Variants in CHRM5 observed in about 807,000 individuals in gnomAD.
CHRM5 encodes the protein muscarinic acetylcholine receptor M5.
A neutral mutation model predicts 39.0 loss-of-function variants in CHRM5; 18 were observed. That is an observed-to-expected ratio of 0.46 (90% CI 0.32 to 0.68). The LOEUF is 0.68. CHRM5 is among the 30% of genes least tolerant of loss of function. CHRM5 has a pLI of 0.04. For missense variants in CHRM5, 515 were observed against 651.1 expected (o/e 0.79, Z 2.28); for synonymous variants, 241 against 246.3 (o/e 0.98, Z 0.20).
chr15:34,040,271 A>G (rs1899414496), intron 1 of CHRM5, among the ~76,000 whole-genome samples: 1 of 152,194 alleles, frequency 6.6e-6, no homozygotes, highest in Admixed American at 6.5e-5. Flanking sequence ...TGCTGAGTGC[A>G]GTGAGAGATT....
intron 1 of CHRM5, among the ~76,000 whole-genome samples, chr15:33,976,601 A>G (rs1895899916): frequency 6.6e-6 from 1 of 152,196 alleles, no homozygotes; most frequent in Non-Finnish European, 1.5e-5. Context: ...AAATTTATAT[A>G]TCTTTATTTA....
intron 1 of CHRM5, among the ~76,000 whole-genome samples, chr15:33,984,962 C>G (rs975699770): frequency 2.0e-5 from 3 of 152,038 alleles, no homozygotes; most frequent in Non-Finnish European, 2.9e-5. Flanking sequence ...AATATTTTCA[C>G]CTCAAGAGCA....
At chr15:33,987,466 C>CTCAA (rs772769230) in intron 1 of CHRM5, among the ~76,000 whole-genome samples, 1 of 152,204 alleles carries the variant, frequency 6.6e-6, no homozygotes, top group Non-Finnish European at 1.5e-5. Context: ...AACCCACAGA[C>CTCAA]TCAAGGTCTT....
At position 34,067,400 on chromosome 15, in the gene CHRM5, T is replaced by G. The variant is rs1900539189; in HGVS notation, c.*3084T>G. On this transcript the variant is annotated 3_prime_UTR_variant, in exon 3 of 3. Coordinates refer to ENST00000383263, the MANE Select transcript of CHRM5 (RefSeq NM_012125.4). ...GAATTACAGCAAAGGATATGGGGAC[T>G]GGGCTGCTTTTCTGTATTGTATAAG... 1 of 152,258 alleles carries G rather than the reference T, an allele frequency of 6.6e-6. No individual in the cohort carries two copies. Among genetic ancestry groups the G allele is most frequent in the Non-Finnish European group, 1.5e-5 (1 of 68,050 alleles). 9.4% of individuals were successfully genotyped at this position (152,258 alleles called of 1,614,324 possible). A position where few individuals can be genotyped will look rare whatever the true frequency, so the allele number is the denominator to read the frequency against.
At chr15:34,061,380 T>A (rs1291877322) in intron 2 of CHRM5, among the ~76,000 whole-genome samples, 3 of 129,946 alleles carry the variant, frequency 2.3e-5, no homozygotes, top group African/African-American at 8.5e-5. Flanking sequence ...ACAATGAAAG[T>A]GGTAGCTCTA....
At chr15:33,997,323 T>C (rs1386281968) in intron 1 of CHRM5, among the ~76,000 whole-genome samples, 3 of 151,770 alleles carry the variant, frequency 2.0e-5, no homozygotes, top group African/African-American at 7.3e-5. Flanking sequence ...AACCCACAAA[T>C]CAATAAGAAA....
At chr15:33,992,314 CG>C (rs1567453988) in intron 1 of CHRM5, among the ~76,000 whole-genome samples, 5 of 151,368 alleles carry the variant, frequency 3.3e-5, no homozygotes, top group African/African-American at 2.4e-5. Flanking sequence ...GGCGTCAGCC[CG>C]GGGGGCGGAG....
At chr15:34,002,908 G>T in intron 1 of CHRM5, 1 of 935,568 alleles carries the variant, frequency 1.1e-6, no homozygotes, top group Non-Finnish European at 1.6e-6. Context: ...TCCTTTACTT[G>T]AATTAAAAAT....
At chr15:34,051,993 C>G (rs1899938996) in intron 2 of CHRM5, among the ~76,000 whole-genome samples, 1 of 152,142 alleles carries the variant, frequency 6.6e-6, no homozygotes, top group South Asian at 2.1e-4. Flanking sequence ...CTGACTCATT[C>G]TATGAAGCCA....
At chr15:33,980,473 T>C (rs554417) in intron 1 of CHRM5, among the ~76,000 whole-genome samples, 123,685 of 152,158 alleles carry the variant, frequency 0.81, 55,060 homozygotes, top group Non-Finnish European at 0.98. Context: ...CAACACGTCC[T>C]CTGATTTCTC....
At chr15:33,993,145 G>A (rs1427326594) in intron 1 of CHRM5, among the ~76,000 whole-genome samples, 1 of 152,140 alleles carries the variant, frequency 6.6e-6, no homozygotes, top group African/African-American at 2.4e-5. Context: ...TCAATGATTT[G>A]ACTTTTGGGG....
Position 33,984,826 on chromosome 15 carries a change from A to G in CHRM5, c.-408+15676A>G, listed in dbSNP as rs79808901. Reference sequence around the variant, plus strand: ...ATAGGGACCTTTGATGCAGTAAATCACACCCAATAACCACAAATAACAGTT... The same window carrying G: ...ATAGGGACCTTTGATGCAGTAAATCGCACCCAATAACCACAAATAACAGTT... On this transcript the variant is annotated intron_variant, in intron 1 of 2. Transcript: ENST00000383263. 7.2e-3 allele frequency among the ~76,000 whole-genome samples: 1,091 copies of G among 152,272 alleles called. 21 individuals carry two copies. The highest frequency in any genetic ancestry group is 0.042 in the Admixed American group (636 of 15,302).
chr15:33,991,884 A>G (rs1162971416), intron 1 of CHRM5: 1 of 153,574 alleles, frequency 6.5e-6, no homozygotes, highest in Non-Finnish European at 1.5e-5. Context: ...TTTAAAGGAA[A>G]AAGAAAGGGA....
At chr15:33,994,940 A>G (rs1250968484) in intron 1 of CHRM5, among the ~76,000 whole-genome samples, 1 of 152,210 alleles carries the variant, frequency 6.6e-6, no homozygotes, top group Non-Finnish European at 1.5e-5. Flanking sequence ...AACCAACCAT[A>G]GATCAAAAAT....
At chr15:33,991,235 C>A (rs1896707777) in intron 1 of CHRM5, 1 of 152,084 alleles carries the variant, frequency 6.6e-6, no homozygotes, top group Non-Finnish European at 1.5e-5. Context: ...GAGACCCTGG[C>A]CCTGAACCCT....
At position 34,063,489 on chromosome 15, in the gene CHRM5, C is replaced by A; in HGVS notation, c.772C>A (p.Arg258=). 1 of 1,613,838 alleles carries A rather than the reference C, an allele frequency of 6.2e-7. No individual in the cohort carries two copies. The change falls in exon 3 of 3, where the codon CGA becomes AGA. Residue 258 remains arginine, a synonymous_variant. Coordinates refer to ENST00000383263, the MANE Select transcript of CHRM5 (RefSeq NM_012125.4). The surrounding 1 kb of genome is among the most constrained non-coding windows in gnomAD (Gnocchi z 4.1). ...ALFRSCLRCP[R]PTLAQRERNQ... ...GTTCAGATCCTGCTTGCGCTGTCCT[C>A]GACCCACCCTGGCCCAGCGGGAAAG...
chr15:33,978,843 T>C (rs1343880195), intron 1 of CHRM5, among the ~76,000 whole-genome samples: 2 of 152,038 alleles, frequency 1.3e-5, no homozygotes, highest in African/African-American at 4.8e-5. Flanking sequence ...AACCAGAGAA[T>C]AATGTTCACT....
intron 2 of CHRM5, among the ~76,000 whole-genome samples, chr15:34,051,061 C>G (rs2140826259): frequency 6.6e-6 from 1 of 152,278 alleles, no homozygotes; most frequent in Admixed American, 6.5e-5. Flanking sequence ...CTTCTCATCA[C>G]CCACAGAACT....
intron 1 of CHRM5, among the ~76,000 whole-genome samples, chr15:33,992,758 G>A (rs929852246): frequency 6.6e-6 from 1 of 152,172 alleles, no homozygotes; most frequent in East Asian, 1.9e-4. Context: ...AAAAGTACAG[G>A]CTGCTAGAGT....
Sources: gnomAD v4.1 joint callset for allele counts (sites outside exome capture counted in the v4.1 genomes callset) on GRCh38, gnomAD v4.1.1 for gene constraint, Gnocchi (gnomAD v3.1) non-coding constraint, MANE v1.5 for transcripts, NCBI Gene and HGNC (gene_info 2026-07-23, HGNC 2026-07-21) for gene names.